RFX3: variants seen among roughly 807,000 people sequenced by gnomAD.
RFX3 encodes the protein regulatory factor X3.
A neutral mutation model predicts 98.6 loss-of-function variants in RFX3; 14 were observed. The ratio of observed to expected loss-of-function variants is 0.14; its 90% CI spans 0.09 to 0.22. The LOEUF (loss-of-function observed/expected upper bound fraction) is 0.22. Ranked by LOEUF, RFX3 falls within the 10% of genes least tolerant of loss-of-function variation. The pLI is 1.00. For synonymous variants in RFX3, 383 were observed against 328.4 expected, an observed-to-expected ratio of 1.17 and a Z score of -1.80; for missense variants, 639 against 926.9, an observed-to-expected ratio of 0.69 and a Z score of 4.03.
chr9:3,427,270 ATT>A (rs200876600), intron 1 of RFX3, among the ~76,000 whole-genome samples: 3 of 143,876 alleles, frequency 2.1e-5, no homozygotes, highest in African/African-American at 5.1e-5. Context: ...CTATATATAT[ATT>A]TTATTATATA....
intron 6 of RFX3, 106 bp from the exon 7 acceptor site, chr9:3,288,356 G>T: frequency 2.3e-6 from 2 of 856,016 alleles, no homozygotes; most frequent in Non-Finnish European, 3.8e-6. Flanking sequence ...GGTAAAAACA[G>T]TAAGTTAATG....
intron 1 of RFX3, among the ~76,000 whole-genome samples, chr9:3,424,570 C>A (rs1174780645): frequency 6.6e-6 from 1 of 151,542 alleles, no homozygotes; most frequent in South Asian, 2.1e-4. Context: ...CCGTGTTAGC[C>A]GGGATGGTCT....
intron 4 of RFX3, among the ~76,000 whole-genome samples, chr9:3,314,958 A>G (rs577679913): frequency 2.0e-4 from 30 of 152,272 alleles, no homozygotes; most frequent in African/African-American, 6.7e-4. Context: ...AACATTAGAC[A>G]GATCAACGAG....
chr9:3,353,447 C>T (rs1016280400), intron 2 of RFX3, among the ~76,000 whole-genome samples: 85 of 152,132 alleles, frequency 5.6e-4, no homozygotes, highest in Non-Finnish European at 1.0e-3. Flanking sequence ...ACGACAGCAA[C>T]AGACCCAAGA....
At chr9:3,320,524 C>T (rs909468155) in intron 4 of RFX3, among the ~76,000 whole-genome samples, 6 of 150,684 alleles carry the variant, frequency 4.0e-5, no homozygotes, top group African/African-American at 1.2e-4. Flanking sequence ...CGCGTTCCAG[C>T]CTAGGTGACA....
Position 3,389,535 on chromosome 9 carries a change from C to T in RFX3, c.117+5937G>A, listed in dbSNP as rs148959942. Among the ~76,000 whole-genome samples, 447 of 152,128 alleles carry T rather than the reference C, an allele frequency of 2.9e-3. 3 individuals are homozygous for T. Among genetic ancestry groups the T allele is most frequent in the South Asian group, 0.022 (105 of 4,812 alleles). ...GATGTTTTGTGAGATCATGAAAAGACAGGAAATTTCATATAGCATTTCAGA... is the reference window on the plus strand; with the variant it reads ...GATGTTTTGTGAGATCATGAAAAGATAGGAAATTTCATATAGCATTTCAGA... On this transcript the variant is annotated intron_variant, in intron 2 of 16. Coordinates refer to ENST00000617270, the MANE Select transcript of RFX3 (RefSeq NM_001282116.2).
At chr9:3,276,635 T>C (rs1309136885) in intron 8 of RFX3, among the ~76,000 whole-genome samples, 2 of 152,168 alleles carry the variant, frequency 1.3e-5, no homozygotes, top group African/African-American at 2.4e-5. Flanking sequence ...TCTATTTTAG[T>C]TGTCTTTGTC....
rs1472189119 is a variant in RFX3, at chr9:3,222,646, GT to G, written c.*2395del. ...AGAAAGGAGAGCCAAAATGAAGAGT[GT>G]TTTTTCAATTTTTGATTTTAATTTT... On this transcript the variant is annotated 3_prime_UTR_variant, in exon 17 of 17. Coordinates refer to ENST00000617270, the MANE Select transcript of RFX3 (RefSeq NM_001282116.2). 3 of 152,112 alleles carry G rather than the reference GT, an allele frequency of 2.0e-5. No homozygotes were observed. Among genetic ancestry groups the G allele is most frequent in the Non-Finnish European group, 2.9e-5 (2 of 68,004 alleles). The allele number at this position is 152,112 out of a possible 1,614,324, so 9.4% of individuals were successfully genotyped here.
At chr9:3,453,963 G>A (rs1256783473) in intron 1 of RFX3, among the ~76,000 whole-genome samples, 1 of 152,072 alleles carries the variant, frequency 6.6e-6, no homozygotes, top group Admixed American at 6.6e-5. Flanking sequence ...CAGTTTTTGA[G>A]ACTAGTGATA....
At chr9:3,506,089 G>C (rs1456126645) in intron 1 of RFX3, among the ~76,000 whole-genome samples, 1 of 151,642 alleles carries the variant, frequency 6.6e-6, no homozygotes, top group Non-Finnish European at 1.5e-5. Context: ...TCTGGAAAGA[G>C]GTTAAGATGA....
intron 5 of RFX3, among the ~76,000 whole-genome samples, chr9:3,298,385 A>G (rs1352762698): frequency 6.6e-6 from 1 of 151,860 alleles, no homozygotes; most frequent in African/African-American, 2.4e-5. Context: ...AAGAAACAAT[A>G]CAATAAATGT....
rs182168419 is a variant in RFX3, at chr9:3,464,119, T to C, written c.-9+61628A>G. 1.4e-4 allele frequency among the ~76,000 whole-genome samples: 22 copies of C among 152,286 alleles called. No homozygotes were observed. The East Asian group carries it at 3.7e-3, about 25-fold the overall frequency. On this transcript the variant is annotated intron_variant, in intron 1 of 16. Coordinates refer to ENST00000617270, the MANE Select transcript of RFX3 (RefSeq NM_001282116.2). ...TACCATTACACCTTCATTAGAATGA[T>C]AGCTAAAATAAAAAGAACTGTTAAT...
chr9:3,424,212 T>C (rs1011671864), intron 1 of RFX3, among the ~76,000 whole-genome samples: 5 of 151,696 alleles, frequency 3.3e-5, no homozygotes, highest in African/African-American at 1.2e-4. Flanking sequence ...TCACTTCAAT[T>C]TCATTTTGTC....
intron 6 of RFX3, among the ~76,000 whole-genome samples, chr9:3,292,779 A>G (rs1039481327): frequency 1.3e-5 from 2 of 152,102 alleles, no homozygotes; most frequent in East Asian, 3.9e-4. Flanking sequence ...TGTGTGTTTT[A>G]AAGCACCATA....
chr9:3,328,539 G>C (rs919469509), intron 4 of RFX3, among the ~76,000 whole-genome samples: 1 of 151,978 alleles, frequency 6.6e-6, no homozygotes, highest in Admixed American at 6.6e-5. Context: ...TTAAAAGGAA[G>C]AGACAACAAA....
intron 1 of RFX3, among the ~76,000 whole-genome samples, chr9:3,518,638 T>C (rs140011387): frequency 0.012 from 1,753 of 152,284 alleles, 27 homozygotes; most frequent in South Asian, 0.033. Context: ...GATGAAAATG[T>C]TCAGGAAAAA....
At chr9:3,318,139 T>C (rs1019394512) in intron 4 of RFX3, among the ~76,000 whole-genome samples, 8 of 152,176 alleles carry the variant, frequency 5.3e-5, no homozygotes, top group Non-Finnish European at 1.0e-4. Flanking sequence ...CCATCAGTGA[T>C]AGACTGGATT....
At chr9:3,391,815 C>T (rs572777105) in intron 2 of RFX3, among the ~76,000 whole-genome samples, 4 of 152,244 alleles carry the variant, frequency 2.6e-5, no homozygotes, top group African/African-American at 9.6e-5. Context: ...GTTCCCTCTA[C>T]CAACCCCTAC....
chr9:3,366,693 C>CCTTCCTTCCTTTCTTTCTTT (rs1491500921), intron 2 of RFX3, among the ~76,000 whole-genome samples: 8 of 85,490 alleles, frequency 9.4e-5, no homozygotes, highest in Non-Finnish European at 1.5e-4. Flanking sequence ...TTCTTTCTTT[C>CCTTCCTTCCTTTCTTTCTTT]CTTTCTTTCT....
Sources: allele counts gnomAD v4.1 joint callset (sites outside exome capture counted in the v4.1 genomes callset), GRCh38; gene constraint gnomAD v4.1.1; transcripts MANE v1.5; gene names NCBI Gene and HGNC (gene_info 2026-07-23, HGNC 2026-07-21).